Variants in CADM2 observed in about 807,000 individuals in gnomAD.
CADM2 encodes the protein cell adhesion molecule 2.
A neutral mutation model predicts 49.8 loss-of-function variants in CADM2; 12 were observed. The ratio of observed to expected loss-of-function variants is 0.24; its 90% CI spans 0.15 to 0.39. The LOEUF (loss-of-function observed/expected upper bound fraction) is 0.39. Ranked by LOEUF, CADM2 falls within the 10% of genes least tolerant of loss-of-function variation. The probability of loss-of-function intolerance (pLI) is 1.00; values close to 1 mark genes in which losing one functional copy is unlikely to be tolerated. For missense variants in CADM2, 378 were observed against 492.3 expected (o/e 0.77, Z 2.20); for synonymous variants, 214 against 175.4 (o/e 1.22, Z -1.74).
chr3:85,866,563 T>G (rs1025529955), intron 3 of CADM2, among the ~76,000 whole-genome samples: 4 of 152,192 alleles, frequency 2.6e-5, no homozygotes, highest in African/African-American at 9.7e-5. Context: ...ACGTTTAGTC[T>G]CCTTCAAATA....
chr3:85,937,229 A>G lies in CADM2; in HGVS notation c.791+1372A>G, dbSNP rs192814477. Among the ~76,000 whole-genome samples, 3 of 151,984 alleles carry G rather than the reference A, an allele frequency of 2.0e-5. No individual in the cohort carries two copies. In the East Asian group the frequency reaches 5.8e-4, roughly 29 times the overall value. ...ATGTGCCTTCTTTTAATCTCTTTTC[A>G]GTTACCTAGAAATAATCTTGGATGT... On this transcript the variant is annotated intron_variant, in intron 7 of 9. Coordinates refer to ENST00000383699, the MANE Select transcript of CADM2 (RefSeq NM_001167675.2).
intron 3 of CADM2, among the ~76,000 whole-genome samples, chr3:85,802,502 G>A (rs1021093294): frequency 1.3e-5 from 2 of 152,098 alleles, no homozygotes; most frequent in East Asian, 3.9e-4. Context: ...GTTGTGTATA[G>A]TTTGAGTTTT....
intron 3 of CADM2, among the ~76,000 whole-genome samples, chr3:85,845,892 G>A (rs761815183): frequency 3.9e-5 from 6 of 152,140 alleles, no homozygotes; most frequent in Non-Finnish European, 8.8e-5. Context: ...GTGGCTCTGA[G>A]ATTTGGTGCT....
intron 6 of CADM2, among the ~76,000 whole-genome samples, chr3:85,916,909 T>C (rs1220423356): frequency 6.6e-6 from 1 of 152,218 alleles, no homozygotes; most frequent in Non-Finnish European, 1.5e-5. Flanking sequence ...GATTTGCATT[T>C]CTCTGATGGC....
intron 1 of CADM2, among the ~76,000 whole-genome samples, chr3:85,466,694 T>G (rs1448100547): frequency 6.6e-6 from 1 of 152,102 alleles, no homozygotes; most frequent in African/African-American, 2.4e-5. Context: ...GAGATAAACA[T>G]TTTGCCAATA....
chr3:85,989,178 T>G (rs1452690294), intron 8 of CADM2, among the ~76,000 whole-genome samples: 2 of 152,054 alleles, frequency 1.3e-5, no homozygotes, highest in African/African-American at 4.8e-5. Flanking sequence ...AGCCAAAGTG[T>G]GTAAAATAAG....
chr3:85,957,888 A>G (rs1431062781), intron 7 of CADM2, among the ~76,000 whole-genome samples: 1 of 152,008 alleles, frequency 6.6e-6, no homozygotes, highest in African/African-American at 2.4e-5. Flanking sequence ...ATGGTCAAAG[A>G]GTTCATGATG....
At chr3:85,317,179 C>T (rs1463320411) in intron 1 of CADM2, among the ~76,000 whole-genome samples, 1 of 152,006 alleles carries the variant, frequency 6.6e-6, no homozygotes, top group African/African-American at 2.4e-5. Flanking sequence ...TGAAATTCTC[C>T]TTGATATGTA....
intron 6 of CADM2, among the ~76,000 whole-genome samples, chr3:85,926,505 C>T (rs1039676516): frequency 6.6e-6 from 1 of 152,106 alleles, no homozygotes; most frequent in African/African-American, 2.4e-5. Context: ...ATGTTAAGTT[C>T]TGAGAGATCT....
chr3:86,064,163 G>A (rs978124688), intron 8 of CADM2, among the ~76,000 whole-genome samples: 2 of 151,576 alleles, frequency 1.3e-5, no homozygotes, highest in Admixed American at 6.6e-5. Flanking sequence ...CCAGTAACTC[G>A]TCATTTACAT....
intron 1 of CADM2, among the ~76,000 whole-genome samples, chr3:85,215,301 G>A (rs544084335): frequency 2.1e-5 from 3 of 144,428 alleles, no homozygotes; most frequent in Admixed American, 7.4e-5. Context: ...CTACCTAGTG[G>A]CATTCTACTC....
At chr3:85,692,983 G>T (rs564739116) in intron 1 of CADM2, among the ~76,000 whole-genome samples, 72 of 151,758 alleles carry the variant, frequency 4.7e-4, no homozygotes, top group Middle Eastern at 3.4e-3. Flanking sequence ...TAATCCCAGC[G>T]CTTTGTGAGG....
At chr3:85,651,666 A>G (rs765623302) in intron 1 of CADM2, among the ~76,000 whole-genome samples, 7 of 152,116 alleles carry the variant, frequency 4.6e-5, no homozygotes, top group Non-Finnish European at 1.0e-4. Context: ...AAATTTCTAT[A>G]TAATCTCTAC....
chr3:85,588,347 C>T (rs2063000740), intron 1 of CADM2, among the ~76,000 whole-genome samples: 1 of 151,874 alleles, frequency 6.6e-6, no homozygotes, highest in Admixed American at 6.6e-5. Flanking sequence ...GTCTAAAATG[C>T]ATTTCTGCTA....
chr3:85,267,608 T>A (rs1033519396), intron 1 of CADM2, among the ~76,000 whole-genome samples: 1 of 151,682 alleles, frequency 6.6e-6, no homozygotes, highest in East Asian at 1.9e-4. Context: ...AGTTCCATGA[T>A]GGCAGGGATT....
chr3:85,728,890 T>G (rs553237132), intron 2 of CADM2, among the ~76,000 whole-genome samples: 2 of 152,292 alleles, frequency 1.3e-5, no homozygotes, highest in South Asian at 4.2e-4. Flanking sequence ...TCATTGAGAA[T>G]CAGTCAGAAA....
chr3:85,197,823 T>C (rs1458232034), intron 1 of CADM2, among the ~76,000 whole-genome samples: 1 of 151,906 alleles, frequency 6.6e-6, no homozygotes, highest in Non-Finnish European at 1.5e-5. Context: ...GGAGTACGTA[T>C]ATAATTAAAA....
rs2065654010 is a variant in CADM2 at position 85,668,894 on chromosome 3, A to G, written c.62-57628A>G. On this transcript the variant is annotated intron_variant, in intron 1 of 9. Coordinates refer to ENST00000383699, the MANE Select transcript of CADM2 (RefSeq NM_001167675.2). Reference sequence around the variant, plus strand: ...GATATTCACATTGTTTTAATAGTCAAATACATTTATTTCTCCAGGAAGAAA... The same window carrying G: ...GATATTCACATTGTTTTAATAGTCAGATACATTTATTTCTCCAGGAAGAAA... 5.9e-5 allele frequency among the ~76,000 whole-genome samples: 9 copies of G among 152,172 alleles called. No homozygotes were observed. In the South Asian group the frequency reaches 1.9e-3, roughly 32 times the overall value.
At chr3:85,324,868 T>A (rs2044706251) in intron 1 of CADM2, among the ~76,000 whole-genome samples, 1 of 152,224 alleles carries the variant, frequency 6.6e-6, no homozygotes, top group African/African-American at 2.4e-5. Context: ...TGAAGTCAGC[T>A]GCAGTGTCAT....
Sources: gnomAD v4.1 joint callset for allele counts (sites outside exome capture counted in the v4.1 genomes callset) on GRCh38, gnomAD v4.1.1 for gene constraint, MANE v1.5 for transcripts, NCBI Gene and HGNC (gene_info 2026-07-23, HGNC 2026-07-21) for gene names.